The following SEMA6D variants were observed in gnomAD, a reference collection of about 807,000 sequenced individuals.
SEMA6D encodes semaphorin 6D.
Under a neutral mutation model 106.6 loss-of-function variants are expected in SEMA6D, and 35 were observed. The observed-to-expected ratio is 0.33, with a 90% CI of 0.25 to 0.44. The LOEUF (loss-of-function observed/expected upper bound fraction) is 0.44, where lower values mean the gene tolerates loss of function less well. SEMA6D is among the 20% of genes least tolerant of loss of function. The pLI is 1.00. For missense variants in SEMA6D, 1,185 were observed against 1,345.9 expected (o/e 0.88, Z 1.87); for synonymous variants, 499 against 487.7 (o/e 1.02, Z -0.31).
intron 4 of SEMA6D, among the ~76,000 whole-genome samples, chr15:47,686,458 G>C (rs543076369): frequency 1.3e-5 from 2 of 152,184 alleles, no homozygotes; most frequent in African/African-American, 4.8e-5. Context: ...ATGACCTTCT[G>C]CAAGAAAAGC....
chr15:47,561,938 G>C (rs550395363), intron 3 of SEMA6D, among the ~76,000 whole-genome samples: 1 of 151,910 alleles, frequency 6.6e-6, no homozygotes, highest in East Asian at 1.9e-4. Flanking sequence ...TATCCCAACA[G>C]ACTTTATAAA....
chr15:47,249,440 T>C (rs1449101285), intron 1 of SEMA6D, among the ~76,000 whole-genome samples: 4 of 143,618 alleles, frequency 2.8e-5, no homozygotes, highest in Non-Finnish European at 5.9e-5. Context: ...GAAAACAAAA[T>C]CATGTTTTTT....
intron 2 of SEMA6D, among the ~76,000 whole-genome samples, chr15:47,424,218 C>T (rs147526217): frequency 1.4e-4 from 21 of 152,122 alleles, no homozygotes; most frequent in African/African-American, 5.1e-4. Flanking sequence ...AGAAGACTAC[C>T]TAGTGACTAT....
intron 1 of SEMA6D, among the ~76,000 whole-genome samples, chr15:47,376,563 C>T (rs973523054): frequency 2.0e-5 from 3 of 152,170 alleles, no homozygotes; most frequent in African/African-American, 7.2e-5. Flanking sequence ...TGTGAGAAAA[C>T]CAAAATGCTA....
chr15:47,231,984 C>T (rs1220642519), intron 1 of SEMA6D, among the ~76,000 whole-genome samples: 1 of 152,000 alleles, frequency 6.6e-6, no homozygotes, highest in Non-Finnish European at 1.5e-5. Flanking sequence ...AAATAACTCC[C>T]ATACCTGTGA....
At chr15:47,760,071 G>A (rs968892684) in intron 2 of SEMA6D, 164 bp downstream of exon 2, 45 of 672,758 alleles carry the variant, frequency 6.7e-5, no homozygotes, top group Non-Finnish European at 9.8e-5. Context: ...TGGAGAAAAC[G>A]GGGCAGTTTT....
intron 1 of SEMA6D, among the ~76,000 whole-genome samples, chr15:47,348,696 CA>C (rs1454039283): frequency 2.8e-4 from 31 of 111,232 alleles, no homozygotes; most frequent in Non-Finnish European, 2.8e-4. Context: ...CACACACACA[CA>C]CACACACACA....
intron 1 of SEMA6D, among the ~76,000 whole-genome samples, chr15:47,207,731 C>T (rs1177173360): frequency 2.6e-5 from 4 of 152,064 alleles, no homozygotes; most frequent in Non-Finnish European, 5.9e-5. Flanking sequence ...AGGCAGTCCT[C>T]TAAGAGAAAA....
At chr15:47,603,255 A>G (rs1433074523) in intron 4 of SEMA6D, 3 of 152,010 alleles carry the variant, frequency 2.0e-5, no homozygotes, top group East Asian at 3.9e-4. Flanking sequence ...AGAAGCCCAC[A>G]CCCTGGCTTT....
chr15:47,553,653 G>A (rs1294395627), intron 3 of SEMA6D, among the ~76,000 whole-genome samples: 1 of 152,154 alleles, frequency 6.6e-6, no homozygotes, highest in African/African-American at 2.4e-5. Context: ...GTGCAAACCA[G>A]GCTGTATTCA....
chr15:47,327,065 A>G (rs761999286), intron 1 of SEMA6D, among the ~76,000 whole-genome samples: 23 of 152,134 alleles, frequency 1.5e-4, no homozygotes, highest in Admixed American at 3.3e-4. Flanking sequence ...GATTATATTA[A>G]TGATGCCTTT....
intron 1 of SEMA6D, among the ~76,000 whole-genome samples, chr15:47,307,221 C>T (rs983537191): frequency 6.6e-6 from 1 of 152,168 alleles, no homozygotes; most frequent in Non-Finnish European, 1.5e-5. Context: ...TTATCTGTTA[C>T]TATTAACAAA....
At chr15:47,335,339 G>A (rs140527058) in intron 1 of SEMA6D, among the ~76,000 whole-genome samples, 1 of 152,086 alleles carries the variant, frequency 6.6e-6, no homozygotes, top group East Asian at 1.9e-4. Flanking sequence ...ATCACAGATG[G>A]ATATATATGA....
intron 2 of SEMA6D, 82 bp from the exon 3 acceptor site, chr15:47,760,222 G>A (rs1270953007): frequency 3.2e-6 from 3 of 939,496 alleles, no homozygotes; most frequent in East Asian, 2.5e-5. Flanking sequence ...TCTACAACAA[G>A]TATATACAGC....
chr15:47,581,280 T>G (rs4775698), intron 3 of SEMA6D: 108,908 of 456,498 alleles, frequency 0.24, 14,932 homozygotes, highest in Non-Finnish European at 0.3. Flanking sequence ...ATAAGTCCTG[T>G]GGTTTACATT....
At chr15:47,716,894 G>C (rs1393282997), upstream of SEMA6D, 3 of 126,462 alleles carry the variant, frequency 2.4e-5, no homozygotes, top group Non-Finnish European at 4.7e-5. Context: ...TTTCTTCCCA[G>C]CTGTTTTGCT....
At chr15:47,197,655 TAA>T (rs1894451006) in intron 1 of SEMA6D, among the ~76,000 whole-genome samples, 2 of 152,108 alleles carry the variant, frequency 1.3e-5, no homozygotes, top group Non-Finnish European at 2.9e-5. Context: ...ATCCTAGCAT[TAA>T]GTCTTGTTTG....
chr15:47,561,043 A>T (rs1411058150), intron 3 of SEMA6D, among the ~76,000 whole-genome samples: 1 of 149,356 alleles, frequency 6.7e-6, no homozygotes, highest in Non-Finnish European at 1.5e-5. Context: ...GTGCTCAGGA[A>T]ACTAATACAA....
intron 4 of SEMA6D, among the ~76,000 whole-genome samples, chr15:47,657,091 G>T (rs182027581): frequency 6.6e-6 from 1 of 152,298 alleles, no homozygotes; most frequent in East Asian, 1.9e-4. Context: ...CTCTGTAGTG[G>T]ATCAGAGCAT....
Sources: gnomAD v4.1 joint callset for allele counts (sites outside exome capture counted in the v4.1 genomes callset) on GRCh38, gnomAD v4.1.1 for gene constraint, MANE v1.5 for transcripts, NCBI Gene and HGNC (gene_info 2026-07-23, HGNC 2026-07-21) for gene names.